Variants in UBR3 observed in about 807,000 individuals in gnomAD.
The protein encoded by UBR3 is E3 ubiquitin-protein ligase UBR3.
A neutral mutation model predicts 243.2 loss-of-function variants in UBR3; 85 were observed. That is an observed-to-expected ratio of 0.35 (90% CI 0.29 to 0.42). UBR3 has a LOEUF of 0.42. UBR3 is among the 10% of genes least tolerant of loss of function. The probability of loss-of-function intolerance (pLI) is 1.00; values close to 1 mark genes in which losing one functional copy is unlikely to be tolerated. For synonymous variants in UBR3, 748 were observed against 799.8 expected, an observed-to-expected ratio of 0.94 and a Z score of 1.09; for missense variants, 1,686 against 2,300.8, an observed-to-expected ratio of 0.73 and a Z score of 5.47.
rs2089693380 is a variant in UBR3, at chr2:170,001,484, T to C, written c.4029+70T>C. On this transcript the variant is annotated intron_variant, in intron 27 of 38. Transcript: ENST00000272793. Reference sequence around the variant, plus strand: ...AGGTATTAAATCTTTTTATAGTATATACATCCCAATTCCAGCTCATCTTTT... The same window carrying C: ...AGGTATTAAATCTTTTTATAGTATACACATCCCAATTCCAGCTCATCTTTT... 6.9e-6 allele frequency: 6 copies of C among 870,564 alleles called. No individual in the cohort carries two copies. The Admixed American group carries it at 1.2e-4, about 17-fold the overall frequency. The allele number at this position is 870,564 out of a possible 1,614,324, so 53.9% of individuals were successfully genotyped here. A position where few individuals can be genotyped will look rare whatever the true frequency, so the allele number is the denominator to read the frequency against.
At position 169,846,571 on chromosome 2, in the gene UBR3, G is replaced by A. The variant is rs1269399532; in HGVS notation, c.545+18519G>A. The stretch of plus-strand genomic sequence containing the variant: ...CTAAAAAGGCAAAAATTAGCCGGAC[G>A]TGGTGGCATGTGCCTGTAATCCCAG... On this transcript the variant is annotated intron_variant, in intron 1 of 38. Coordinates refer to ENST00000272793, the MANE Select transcript of UBR3 (RefSeq NM_172070.4). Among the ~76,000 whole-genome samples, 8 of 152,078 alleles carry A rather than the reference G, an allele frequency of 5.3e-5. No individual in the cohort carries two copies. In the East Asian group the frequency reaches 1.4e-3, roughly 26 times the overall value.
At chr2:170,079,146 GTGC>G (rs2091863873) in intron 36 of UBR3, among the ~76,000 whole-genome samples, 1 of 152,072 alleles carries the variant, frequency 6.6e-6, no homozygotes, top group Non-Finnish European at 1.5e-5. Context: ...GAAAAATTTA[GTGC>G]TGCTGCCAGT....
At chr2:170,023,664 C>G (rs2090451054) in intron 30 of UBR3, among the ~76,000 whole-genome samples, 1 of 152,180 alleles carries the variant, frequency 6.6e-6, no homozygotes, top group South Asian at 2.1e-4. Flanking sequence ...ACGGTCTTAG[C>G]TCACTGCAAC....
intron 1 of UBR3, among the ~76,000 whole-genome samples, chr2:169,850,609 C>T (rs921122360): frequency 5.9e-5 from 9 of 152,192 alleles, no homozygotes; most frequent in African/African-American, 2.2e-4. Flanking sequence ...CTTTGGGAGG[C>T]CGAGGCGGGT....
chr2:169,854,113 C>T (rs1370567506), intron 1 of UBR3, among the ~76,000 whole-genome samples: 1 of 152,052 alleles, frequency 6.6e-6, no homozygotes, highest in Admixed American at 6.6e-5. Context: ...GTGCAGCAAA[C>T]CACCATGGCA....
At chr2:169,876,226 G>A (rs1013671209) in intron 3 of UBR3, among the ~76,000 whole-genome samples, 2 of 151,018 alleles carry the variant, frequency 1.3e-5, no homozygotes, top group Admixed American at 6.6e-5. Context: ...GACTACAGGC[G>A]CCCGCCACTA....
chr2:169,936,188 T>C (rs1417205300), intron 19 of UBR3, among the ~76,000 whole-genome samples: 1 of 152,108 alleles, frequency 6.6e-6, no homozygotes, highest in African/African-American at 2.4e-5. Flanking sequence ...GCCTCCCTAG[T>C]AGCTGGGATT....
At chr2:169,981,512 T>G (rs1040303707) in intron 24 of UBR3, among the ~76,000 whole-genome samples, 1 of 152,056 alleles carries the variant, frequency 6.6e-6, no homozygotes, top group Non-Finnish European at 1.5e-5. Context: ...GTCAAGTTCA[T>G]CAAAGCAAGG....
At chr2:170,054,267 T>G (rs2091284316) in intron 32 of UBR3, among the ~76,000 whole-genome samples, 2 of 151,452 alleles carry the variant, frequency 1.3e-5, no homozygotes, top group African/African-American at 4.8e-5. Context: ...TGACAGGTGC[T>G]TGTCACCACA....
chr2:169,878,465 T>A (rs2083700040), intron 4 of UBR3, 60 bp from the exon 5 acceptor site: 5 of 1,456,358 alleles, frequency 3.4e-6, no homozygotes, highest in Non-Finnish European at 4.7e-6. Flanking sequence ...TCAGAATAAT[T>A]TGAAAATAAA....
chr2:169,864,767 C>T (rs1003774650), intron 1 of UBR3, among the ~76,000 whole-genome samples: 3 of 151,988 alleles, frequency 2.0e-5, no homozygotes, highest in Non-Finnish European at 2.9e-5. Flanking sequence ...ATTAGCTGGG[C>T]ATGGTGGCGG....
At chr2:169,830,147 C>A (rs377567216) in intron 1 of UBR3, among the ~76,000 whole-genome samples, 1 of 151,398 alleles carries the variant, frequency 6.6e-6, no homozygotes, top group Admixed American at 6.6e-5. Flanking sequence ...ATTTTTTGTG[C>A]GTGTGAATTT....
chr2:169,947,451 C>A (rs1391710110), intron 21 of UBR3, 91 bp from the exon 22 acceptor site: 6 of 927,040 alleles, frequency 6.5e-6, no homozygotes, highest in Non-Finnish European at 8.8e-6. Context: ...TTATGATAGG[C>A]AGTGGATGAT....
intron 31 of UBR3, among the ~76,000 whole-genome samples, chr2:170,030,175 C>A (rs2061622): frequency 7.9e-5 from 12 of 152,060 alleles, no homozygotes; most frequent in South Asian, 2.1e-4. Flanking sequence ...AGAATCTTTC[C>A]AAACTGACTT....
intron 9 of UBR3, among the ~76,000 whole-genome samples, chr2:169,905,514 T>G (rs2084980398): frequency 6.6e-6 from 1 of 152,176 alleles, no homozygotes; most frequent in Non-Finnish European, 1.5e-5. Flanking sequence ...AGTATAACTT[T>G]TTAAGCATTT....
chr2:169,850,704 C>T (rs1322596328), intron 1 of UBR3, among the ~76,000 whole-genome samples: 1 of 151,940 alleles, frequency 6.6e-6, no homozygotes, highest in Non-Finnish European at 1.5e-5. Flanking sequence ...ATTAGCCGGG[C>T]GTGGTGGTGG....
At chr2:169,858,800 A>C (rs1403323837) in intron 1 of UBR3, among the ~76,000 whole-genome samples, 1 of 151,972 alleles carries the variant, frequency 6.6e-6, no homozygotes, top group African/African-American at 2.4e-5. Flanking sequence ...GGGTTTCACC[A>C]TGTTGGCCAG....
At chr2:169,881,922 C>CATATAAGTAT (rs1428449377) in intron 5 of UBR3, among the ~76,000 whole-genome samples, 9 of 91,226 alleles carry the variant, frequency 9.9e-5, no homozygotes, top group East Asian at 3.0e-4. Context: ...TATATGTATA[C>CATATAAGTAT]ATGTATACAT....
intron 18 of UBR3, among the ~76,000 whole-genome samples, chr2:169,930,357 G>C: frequency 2.0e-5 from 3 of 152,138 alleles, no homozygotes; most frequent in Admixed American, 2.0e-4. Flanking sequence ...ATATTTGCTA[G>C]TTGTGTGGTT....
Sources: allele counts gnomAD v4.1 joint callset (sites outside exome capture counted in the v4.1 genomes callset), GRCh38; gene constraint gnomAD v4.1.1; transcripts MANE v1.5; gene names NCBI Gene and HGNC (gene_info 2026-07-23, HGNC 2026-07-21).